Variants in RNF144A observed in about 807,000 individuals in gnomAD.
RNF144A encodes ring finger protein 144A, also known as E3 ubiquitin-protein ligase RNF144A.
Under a neutral mutation model 38.7 loss-of-function variants are expected in RNF144A, and 11 were observed. That is an observed-to-expected ratio of 0.28 (90% CI 0.18 to 0.47). The LOEUF is 0.47. Among genes scored for constraint, RNF144A ranks in the 20% least tolerant of loss-of-function variants. RNF144A has a pLI of 0.99. For missense variants in RNF144A, 316 were observed against 377.2 expected (o/e 0.84, Z 1.34); for synonymous variants, 149 against 143.9 (o/e 1.04, Z -0.25).
At chr2:6,987,970 A>G (rs942070544) in intron 2 of RNF144A, among the ~76,000 whole-genome samples, 1 of 152,180 alleles carries the variant, frequency 6.6e-6, no homozygotes, top group Non-Finnish European at 1.5e-5. Flanking sequence ...CTGTGATGGT[A>G]TTCATTAGCA....
intron 1 of RNF144A, among the ~76,000 whole-genome samples, chr2:6,927,594 G>C (rs1664957604): frequency 6.6e-6 from 1 of 152,222 alleles, no homozygotes; most frequent in Non-Finnish European, 1.5e-5. Flanking sequence ...GCGAGGACCT[G>C]AGCCAGGCTG....
chr2:6,955,254 A>C (rs531607353), intron 2 of RNF144A, among the ~76,000 whole-genome samples: 29 of 152,326 alleles, frequency 1.9e-4, no homozygotes, highest in African/African-American at 6.5e-4. Context: ...TTCCAGAGGA[A>C]GTCTTATGGA....
At chr2:6,970,298 G>A (rs1667926068) in intron 2 of RNF144A, among the ~76,000 whole-genome samples, 2 of 152,174 alleles carry the variant, frequency 1.3e-5, no homozygotes, top group African/African-American at 2.4e-5. Flanking sequence ...GGTCTCATGA[G>A]ATCTGATGGT....
At position 7,039,735 on chromosome 2, in the gene RNF144A, G is replaced by C; in HGVS notation, c.854G>C (p.Gly285Ala). The C allele has an allele frequency of 6.2e-7, 1 of 1,613,752 alleles. No individual in the cohort carries two copies. Among genetic ancestry groups the C allele is most frequent in the Non-Finnish European group, 8.5e-7 (1 of 1,179,976 alleles). ...TGCTGCAAGTGCAAGTGCAGTAAAG[G>C]TGACGACGACCCGTTACCCACCTAG... ...VLCCKCKCSK[G>A]DDDPLPT The change falls in exon 9 of 9, where the codon GGT becomes GCT. Residue 285 changes from glycine (G) to alanine (A), a missense_variant. By Grantham distance (60) the Gly-to-Ala change is moderately conservative. Transcript: ENST00000320892.
intron 1 of RNF144A, among the ~76,000 whole-genome samples, chr2:6,937,138 G>A (rs576203300): frequency 5.9e-5 from 9 of 152,270 alleles, no homozygotes; most frequent in East Asian, 5.8e-4. Context: ...ACTCCATACC[G>A]GTGTGGCTTT....
chr2:6,934,721 G>A (rs569407887), intron 1 of RNF144A, among the ~76,000 whole-genome samples: 21 of 152,194 alleles, frequency 1.4e-4, no homozygotes, highest in African/African-American at 5.1e-4. Context: ...CTATTGTTCT[G>A]AGACACTACT....
chr2:6,947,841 G>A (rs1316019755), intron 2 of RNF144A, among the ~76,000 whole-genome samples: 1 of 152,216 alleles, frequency 6.6e-6, no homozygotes, highest in Non-Finnish European at 1.5e-5. Flanking sequence ...GTGATCTGGA[G>A]AAGCCACTTC....
At chr2:7,012,127 G>C (rs1670860101) in intron 3 of RNF144A, among the ~76,000 whole-genome samples, 1 of 152,206 alleles carries the variant, frequency 6.6e-6, no homozygotes, top group Non-Finnish European at 1.5e-5. Flanking sequence ...ACGCACTCCA[G>C]TATCCTCCAG....
At chr2:7,017,080 G>T (rs140095479) in intron 5 of RNF144A, among the ~76,000 whole-genome samples, 2,458 of 152,258 alleles carry the variant, frequency 0.016, 68 homozygotes, top group African/African-American at 0.056. Flanking sequence ...GAGCGAGGGG[G>T]TGTGGATGCC....
rs148109575 is a variant in RNF144A, at chr2:6,940,766, A to AT, written c.-211-173dup. Among the ~76,000 whole-genome samples, 435 of 151,466 alleles carry AT rather than the reference A, an allele frequency of 2.9e-3. 1 individual carries two copies. The highest frequency in any genetic ancestry group is 9.8e-3 in the African/African-American group (406 of 41,258). ...GATTTATTCATTAACTTCTTGGTGG[A>AT]TTTTTTTTTAACATAGTAAACCTCA... On this transcript the variant is annotated intron_variant, in intron 1 of 8. Coordinates refer to ENST00000320892, the MANE Select transcript of RNF144A (RefSeq NM_014746.6).
intron 2 of RNF144A, among the ~76,000 whole-genome samples, chr2:6,992,225 T>G (rs1006406768): frequency 6.6e-6 from 1 of 152,246 alleles, no homozygotes; most frequent in African/African-American, 2.4e-5. Flanking sequence ...TCACAGTCCC[T>G]GCCAGGCTCA....
chr2:7,075,500 A>G, the RNF144A span, among the ~76,000 whole-genome samples: 1 of 152,250 alleles, frequency 6.6e-6, no homozygotes, highest in South Asian at 2.1e-4. Context: ...AGAGGCAATT[A>G]GAAATAGATA....
At chr2:7,001,704 A>G (rs1175082904) in intron 3 of RNF144A, among the ~76,000 whole-genome samples, 1 of 152,188 alleles carries the variant, frequency 6.6e-6, no homozygotes. Context: ...AAAACGTAAC[A>G]TTTAATAGAC....
rs1664239503 is a variant in RNF144A at position 6,917,942 on chromosome 2, C to G, written c.-212+320C>G. 6.6e-6 allele frequency among the ~76,000 whole-genome samples: 1 copy of G among 151,462 alleles called. No individual in the cohort carries two copies. Among genetic ancestry groups the G allele is most frequent in the South Asian group, 2.1e-4 (1 of 4,830 alleles). On this transcript the variant is annotated intron_variant, in intron 1 of 8. Transcript: ENST00000320892. The surrounding 1 kb of genome is among the most constrained non-coding windows in gnomAD (Gnocchi z 4.8). ...AGTGGGCGCTTAGGGACCTGGCGTC[C>G]CCCTGCCTGCCCTGCGCGGTCGCGG...
At chr2:6,933,181 G>A (rs1273790494) in intron 1 of RNF144A, 1 of 152,216 alleles carries the variant, frequency 6.6e-6, no homozygotes, top group African/African-American at 2.4e-5. Flanking sequence ...GAAGAGAAGT[G>A]GAGGGATTCC....
At chr2:7,048,692 A>G (rs1673404452), downstream of RNF144A, among the ~76,000 whole-genome samples, 2 of 152,190 alleles carry the variant, frequency 1.3e-5, no homozygotes, top group African/African-American at 4.8e-5. Flanking sequence ...CCTTGGCAGC[A>G]AAGTACTTCA....
At position 6,941,396 on chromosome 2, in the gene RNF144A, C is replaced by G. The variant is rs1665964253; in HGVS notation, c.-12+249C>G. Among the ~76,000 whole-genome samples the G allele has an allele frequency of 6.6e-6, 1 of 152,206 alleles. No homozygotes were observed. Among genetic ancestry groups the G allele is most frequent in the African/African-American group, 2.4e-5 (1 of 41,464 alleles). The stretch of plus-strand genomic sequence containing the variant: ...AAAGATTTCCAGGTTTATTCATTTG[C>G]TGCTTTTAACAATCCTTGGAGTCTC... On this transcript the variant is annotated intron_variant, in intron 2 of 8. Coordinates refer to ENST00000320892, the MANE Select transcript of RNF144A (RefSeq NM_014746.6). The surrounding 1 kb of genome is among the most constrained non-coding windows in gnomAD (Gnocchi z 6.5).
intron 6 of RNF144A, among the ~76,000 whole-genome samples, chr2:7,054,485 A>G (rs1474682358): frequency 7.9e-5 from 12 of 152,214 alleles, no homozygotes; most frequent in Admixed American, 7.9e-4. Context: ...TTTTTCTGTC[A>G]TGCAAGTTAA....
At chr2:7,017,734 C>T (rs944656655) in intron 5 of RNF144A, among the ~76,000 whole-genome samples, 4 of 152,196 alleles carry the variant, frequency 2.6e-5, no homozygotes, top group Admixed American at 6.5e-5. Context: ...GTCTCATACA[C>T]ACACGTGTGT....
Sources: allele counts gnomAD v4.1 joint callset (sites outside exome capture counted in the v4.1 genomes callset), GRCh38; gene constraint gnomAD v4.1.1; non-coding constraint Gnocchi (gnomAD v3.1); transcripts MANE v1.5; gene names NCBI Gene and HGNC (gene_info 2026-07-23, HGNC 2026-07-21).